The following CTNNA3 variants were observed in gnomAD, a reference collection of about 807,000 sequenced individuals.
The protein encoded by CTNNA3 is catenin alpha 3.
CTNNA3 carries 76 observed loss-of-function variants against 95.7 expected under a neutral mutation model. The observed-to-expected ratio is 0.79, with a 90% CI of 0.66 to 0.96. The LOEUF (loss-of-function observed/expected upper bound fraction) is 0.96. Ranked by LOEUF, CTNNA3 falls within the 40% of genes least tolerant of loss-of-function variation. CTNNA3 has a pLI of 0.00. For missense variants in CTNNA3, 1,191 were observed against 1,089.8 expected (o/e 1.09, Z -1.31); for synonymous variants, 431 against 374.4 (o/e 1.15, Z -1.74).
rs1416873149 is a variant in CTNNA3 at position 67,254,826 on chromosome 10, C to G, written c.580-34956G>C. 2.6e-5 allele frequency among the ~76,000 whole-genome samples: 4 copies of G among 152,068 alleles called. No homozygotes were observed. In the East Asian group the frequency reaches 7.7e-4, roughly 29 times the overall value. On this transcript the variant is annotated intron_variant, in intron 5 of 17. Coordinates refer to ENST00000433211, the MANE Select transcript of CTNNA3 (RefSeq NM_013266.4). ...TAACGTAGGTGGGTAGTAGGCTATA[C>G]CTTCTAGGTTTGTATAAGTACACTC... is the stretch of plus-strand genomic sequence containing the variant.
chr10:66,045,721 A>C (rs1338502359), intron 15 of CTNNA3, among the ~76,000 whole-genome samples: 1 of 152,186 alleles, frequency 6.6e-6, no homozygotes, highest in African/African-American at 2.4e-5. Flanking sequence ...TATATTGAAG[A>C]ACTACTGAAA....
At chr10:66,782,096 T>A (rs756337662) in intron 7 of CTNNA3, among the ~76,000 whole-genome samples, 10 of 152,142 alleles carry the variant, frequency 6.6e-5, no homozygotes, top group Non-Finnish European at 1.2e-4. Context: ...TGTATTCTAA[T>A]CAGCTCCATC....
chr10:67,072,100 G>T (rs1182176773), intron 7 of CTNNA3, among the ~76,000 whole-genome samples: 1 of 152,026 alleles, frequency 6.6e-6, no homozygotes, highest in Non-Finnish European at 1.5e-5. Flanking sequence ...TTACAGACAT[G>T]CACCACCAAG....
intron 16 of CTNNA3, among the ~76,000 whole-genome samples, chr10:65,970,851 C>T (rs1380923220): frequency 3.3e-5 from 5 of 151,252 alleles, no homozygotes; most frequent in Admixed American, 3.3e-4. Context: ...ATGTACCCAA[C>T]ACTGAAGCAT....
intron 1 of CTNNA3, among the ~76,000 whole-genome samples, chr10:67,702,804 C>CA (rs1388201536): frequency 6.6e-6 from 1 of 151,990 alleles, no homozygotes; most frequent in East Asian, 1.9e-4. Flanking sequence ...AATAGAGACA[C>CA]AAAAACCCTT....
At chr10:66,737,658 G>T (rs1288726055) in intron 9 of CTNNA3, among the ~76,000 whole-genome samples, 1 of 150,540 alleles carries the variant, frequency 6.6e-6, no homozygotes, top group Non-Finnish European at 1.5e-5. Flanking sequence ...TAACTTAAAA[G>T]TTGTACTTTT....
intron 5 of CTNNA3, among the ~76,000 whole-genome samples, chr10:67,387,251 G>A (rs900635335): frequency 2.6e-5 from 4 of 152,290 alleles, no homozygotes; most frequent in South Asian, 2.1e-4. Context: ...CTGGGGAAGC[G>A]CAAGGGGTCA....
At chr10:67,681,186 T>C (rs1840619722) in intron 1 of CTNNA3, among the ~76,000 whole-genome samples, 1 of 152,098 alleles carries the variant, frequency 6.6e-6, no homozygotes, top group Admixed American at 6.5e-5. Context: ...AAAATTCATC[T>C]AGAAATAAAT....
intron 11 of CTNNA3, among the ~76,000 whole-genome samples, chr10:66,459,215 C>G (rs954363877): frequency 6.6e-6 from 1 of 152,076 alleles, no homozygotes; most frequent in Admixed American, 6.6e-5. Flanking sequence ...TTTCTTTTCT[C>G]TAGCTTTCTT....
chr10:66,293,280 T>C (rs1343224578), intron 12 of CTNNA3, among the ~76,000 whole-genome samples: 1 of 152,154 alleles, frequency 6.6e-6, no homozygotes. Flanking sequence ...TTTCAATATA[T>C]TACCTGTTAT....
At chr10:66,714,428 T>C (rs1360493247) in intron 9 of CTNNA3, among the ~76,000 whole-genome samples, 1 of 152,156 alleles carries the variant, frequency 6.6e-6, no homozygotes, top group Admixed American at 6.6e-5. Context: ...GTGTCTTCCT[T>C]ATCCAGACCT....
At chr10:66,475,692 T>C (rs1046540494) in intron 11 of CTNNA3, among the ~76,000 whole-genome samples, 4 of 151,986 alleles carry the variant, frequency 2.6e-5, no homozygotes, top group Non-Finnish European at 4.4e-5. Flanking sequence ...AGAATGGCAA[T>C]CATTAAAAAG....
At chr10:67,229,055 T>C (rs1039715215) in intron 5 of CTNNA3, among the ~76,000 whole-genome samples, 4 of 152,092 alleles carry the variant, frequency 2.6e-5, no homozygotes, top group Non-Finnish European at 5.9e-5. Context: ...TGAATATAGA[T>C]GCTAAAATCC....
At chr10:67,641,426 A>C (rs959666794) in intron 2 of CTNNA3, among the ~76,000 whole-genome samples, 4 of 152,238 alleles carry the variant, frequency 2.6e-5, no homozygotes, top group Non-Finnish European at 4.4e-5. Flanking sequence ...AAACTACTTC[A>C]ACCATTGTGG....
chr10:67,083,556 A>T (rs527485055), intron 7 of CTNNA3, among the ~76,000 whole-genome samples: 5 of 152,284 alleles, frequency 3.3e-5, no homozygotes, highest in African/African-American at 1.2e-4. Flanking sequence ...TTTATTTTTT[A>T]GAATTTGTAC....
intron 13 of CTNNA3, among the ~76,000 whole-genome samples, chr10:66,241,200 A>G (rs2090089533): frequency 6.6e-6 from 1 of 152,206 alleles, no homozygotes; most frequent in African/African-American, 2.4e-5. Flanking sequence ...GGGTAAATGT[A>G]AAACTGGCAA....
chr10:67,674,275 G>A (rs1188966799), intron 1 of CTNNA3, among the ~76,000 whole-genome samples: 1 of 152,016 alleles, frequency 6.6e-6, no homozygotes, highest in East Asian at 1.9e-4. Context: ...AAGACATCAG[G>A]AATGTGCACA....
At chr10:67,212,971 CTTTG>C (rs61241074) in intron 6 of CTNNA3, among the ~76,000 whole-genome samples, 3 of 151,682 alleles carry the variant, frequency 2.0e-5, no homozygotes, top group Non-Finnish European at 3.0e-5. Flanking sequence ...TTGAGAGCTA[CTTTG>C]TTTGTTTGTT....
At chr10:66,785,505 T>G (rs1311200115) in intron 7 of CTNNA3, among the ~76,000 whole-genome samples, 2 of 152,194 alleles carry the variant, frequency 1.3e-5, no homozygotes, top group Non-Finnish European at 2.9e-5. Flanking sequence ...CATCTTCTCC[T>G]GCCCTCAGAG....
Sources: gnomAD v4.1 joint callset for allele counts (sites outside exome capture counted in the v4.1 genomes callset) on GRCh38, gnomAD v4.1.1 for gene constraint, MANE v1.5 for transcripts, NCBI Gene and HGNC (gene_info 2026-07-23, HGNC 2026-07-21) for gene names.